Variants in EXT2 observed in about 807,000 individuals in gnomAD.
EXT2 encodes the protein exostosin glycosyltransferase 2, also known as exostosin-2.
A neutral mutation model predicts 81.6 loss-of-function variants in EXT2; 53 were observed. The ratio of observed to expected loss-of-function variants is 0.65; its 90% confidence interval spans 0.52 to 0.82. EXT2 has a LOEUF of 0.82. EXT2 is among the 40% of genes least tolerant of loss of function. The probability of loss-of-function intolerance (pLI) is 0.00; values close to 1 mark genes in which losing one functional copy is unlikely to be tolerated. For missense variants in EXT2, 774 were observed against 910.2 expected, an observed-to-expected ratio of 0.85 and a Z score of 1.93; for synonymous variants, 320 against 340.0, an observed-to-expected ratio of 0.94 and a Z score of 0.65.
intron 10 of EXT2, among the ~76,000 whole-genome samples, chr11:44,216,097 C>T (rs533557084): frequency 6.6e-6 from 1 of 151,878 alleles, no homozygotes; most frequent in Non-Finnish European, 1.5e-5. Flanking sequence ...AGGATGGTCT[C>T]GATCTCCTGA....
rs374876530 is a variant in EXT2 at position 44,172,694 on chromosome 11, C to T, written c.1305+952C>T. On this transcript the variant is annotated intron_variant, in intron 8 of 13. Coordinates refer to ENST00000533608, the MANE Select transcript of EXT2 (RefSeq NM_207122.2). ...CGCCTCCCAGGTTCAAGTGATTCTCCTGCCTCAGCCTCCCCAGTAGCTGGG... is the reference window on the plus strand; with the variant it reads ...CGCCTCCCAGGTTCAAGTGATTCTCTTGCCTCAGCCTCCCCAGTAGCTGGG... Among the ~76,000 whole-genome samples the T allele has an allele frequency of 6.6e-5, 10 of 151,582 alleles. No homozygotes were observed. In the South Asian group the frequency reaches 8.3e-4, roughly 13 times the overall value.
In EXT2 at chr11:44,232,337, A is replaced by G. The variant is rs201032203; in HGVS notation, c.1663-16A>G. The G allele has an allele frequency of 4.0e-5, 64 of 1,613,514 alleles. No homozygotes were observed. The highest frequency in any genetic ancestry group is 6.7e-5 in the East Asian group (3 of 44,860). On this transcript the variant is annotated splice_polypyrimidine_tract_variant and intron_variant, in intron 10 of 13. Transcript: ENST00000533608. ...TCTGAATTGGGACTTGATTGTTATT[A>G]TGTGTCTGTCCTTAGGTCTGGCGGG...
chr11:44,198,842 A>C lies in EXT2; in HGVS notation c.1495+824A>C, dbSNP rs1035251118. 2.0e-5 allele frequency among the ~76,000 whole-genome samples: 3 copies of C among 152,276 alleles called. 1 individual carries two copies. The East Asian group carries it at 5.8e-4, about 29-fold the overall frequency. On this transcript the variant is annotated intron_variant, in intron 9 of 13. Coordinates refer to ENST00000533608, the MANE Select transcript of EXT2 (RefSeq NM_207122.2). ...GCACTTTTTATGGCTAGTCTCTTTT[A>C]ATTGGATATACTGAAGTCGGGAAAG...
At chr11:44,117,408 A>G (rs1403559771) in intron 4 of EXT2, among the ~76,000 whole-genome samples, 2 of 152,154 alleles carry the variant, frequency 1.3e-5, no homozygotes, top group Non-Finnish European at 2.9e-5. Flanking sequence ...ATGAAGATTT[A>G]CCCTTACGTT....
chr11:44,203,596 C>G (rs1031806124), intron 9 of EXT2, among the ~76,000 whole-genome samples: 5 of 152,140 alleles, frequency 3.3e-5, no homozygotes, highest in African/African-American at 1.2e-4. Context: ...ATCCACATAA[C>G]TTGCTGGGAA....
At chr11:44,229,470 G>C (rs1352921856) in intron 10 of EXT2, among the ~76,000 whole-genome samples, 4 of 152,190 alleles carry the variant, frequency 2.6e-5, no homozygotes, top group Admixed American at 2.6e-4. Flanking sequence ...TGAGAGCCCT[G>C]TTAGGTGAGC....
At chr11:44,223,736 C>T (rs1236448551) in intron 10 of EXT2, among the ~76,000 whole-genome samples, 4 of 151,156 alleles carry the variant, frequency 2.6e-5, no homozygotes, top group African/African-American at 4.9e-5. Context: ...CTGCAAGCTC[C>T]GCCTCCTGGG....
Position 44,246,122 on chromosome 11 carries a change from C to T in EXT2, c.*1835C>T, listed in dbSNP as rs1956091563. Reference sequence around the variant, plus strand: ...GCCAGGAAAAATATTTCTGTTGTCACCCAGGTACCAGAGGCTGACAAGCAC... The same window carrying T: ...GCCAGGAAAAATATTTCTGTTGTCATCCAGGTACCAGAGGCTGACAAGCAC... On this transcript the variant is annotated 3_prime_UTR_variant, in exon 14 of 14. Transcript: ENST00000533608. Among the ~76,000 whole-genome samples, 2 of 152,168 alleles carry T rather than the reference C, an allele frequency of 1.3e-5. No homozygotes were observed. Among genetic ancestry groups the T allele is most frequent in the Non-Finnish European group, 2.9e-5 (2 of 68,036 alleles).
At chr11:44,211,154 G>T (rs747594300) in intron 10 of EXT2, among the ~76,000 whole-genome samples, 5 of 152,208 alleles carry the variant, frequency 3.3e-5, no homozygotes, top group Non-Finnish European at 7.3e-5. Flanking sequence ...GACCACACAT[G>T]TATGGCCTTG....
intron 6 of EXT2, 83 bp from the exon 7 acceptor site, chr11:44,129,962 T>C (rs1376115403): frequency 2.8e-6 from 3 of 1,069,302 alleles, no homozygotes; most frequent in Non-Finnish European, 4.4e-6. Flanking sequence ...TTGTTTCTGC[T>C]TGTGAAATGA....
intron 1 of EXT2, among the ~76,000 whole-genome samples, chr11:44,100,574 T>C (rs994829401): frequency 1.3e-5 from 2 of 152,156 alleles, no homozygotes; most frequent in African/African-American, 4.8e-5. Context: ...TTAGAAGCCT[T>C]GGGGTAAGAG....
At position 44,206,800 on chromosome 11, in the gene EXT2, C is replaced by G. The variant is rs1239523175; in HGVS notation, c.1503C>G (p.Leu501=). 4 of 1,613,910 alleles carry G rather than the reference C, an allele frequency of 2.5e-6. No homozygotes were observed. The highest frequency in any genetic ancestry group is 3.4e-6 in the Non-Finnish European group (4 of 1,179,966). The change falls in exon 10 of 14, where the codon CTC becomes CTG. Residue 501 remains leucine (L), a synonymous_variant. Transcript: ENST00000533608. ...NQNKNPPEDS[L]WPKIRVPLKV... is the part of the protein sequence containing the mutation. ...CCTTTTCTCTTTTTCCAGATTCTCT[C>G]TGGCCCAAAATCCGGGTTCCATTAA...
chr11:44,113,894 A>G (rs913933717), intron 3 of EXT2, among the ~76,000 whole-genome samples: 6 of 152,094 alleles, frequency 3.9e-5, no homozygotes, highest in Non-Finnish European at 8.8e-5. Flanking sequence ...GATCTGAGGG[A>G]GGTAGCAGAG....
chr11:44,135,447 A>G (rs1954552294), intron 7 of EXT2, among the ~76,000 whole-genome samples: 2 of 147,110 alleles, frequency 1.4e-5, no homozygotes, highest in Admixed American at 6.9e-5. Flanking sequence ...GCTGGAGTGC[A>G]GTGGTGCGAT....
chr11:44,186,988 T>TTCCTTCCTC (rs1955320659), intron 8 of EXT2, among the ~76,000 whole-genome samples: 3 of 60,406 alleles, frequency 5.0e-5, no homozygotes, highest in African/African-American at 2.2e-4. Flanking sequence ...AAAATTTCCT[T>TTCCTTCCTC]CCTTCCTTCC....
At chr11:44,232,246 A>G in intron 10 of EXT2, 107 bp from the exon 11 acceptor site, 3 of 1,425,128 alleles carry the variant, frequency 2.1e-6, no homozygotes, top group Non-Finnish European at 3.0e-6. Flanking sequence ...TTCTTAGGTT[A>G]TGATGGTTTG....
intron 5 of EXT2, among the ~76,000 whole-genome samples, chr11:44,125,790 G>T (rs1409507675): frequency 6.6e-6 from 1 of 152,164 alleles, no homozygotes; most frequent in Middle Eastern, 3.4e-3. Context: ...GTGGTGATGA[G>T]GGCAGGAGTA....
chr11:44,232,578 C>G, intron 11 of EXT2, 82 bp downstream of exon 11: 1 of 1,548,784 alleles, frequency 6.5e-7, no homozygotes. Flanking sequence ...TTTTTCATAC[C>G]TGCCAAGAGG....
intron 10 of EXT2, among the ~76,000 whole-genome samples, chr11:44,212,278 C>A (rs1486256584): frequency 6.8e-6 from 1 of 147,202 alleles, no homozygotes; most frequent in Admixed American, 6.8e-5. Context: ...GTGAGAGACT[C>A]CGTCTTAAAA....
Sources: gnomAD v4.1 joint callset for allele counts (sites outside exome capture counted in the v4.1 genomes callset) on GRCh38, gnomAD v4.1.1 for gene constraint, MANE v1.5 for transcripts, NCBI Gene and HGNC (gene_info 2026-07-23, HGNC 2026-07-21) for gene names.